FBP2: variants seen among roughly 807,000 people sequenced by gnomAD.
FBP2 encodes the protein fructose-1,6-bisphosphatase isozyme 2.
In FBP2, 27 loss-of-function variants were observed where a neutral mutation model predicts 31.6. The ratio of observed to expected loss-of-function variants is 0.85; its 90% CI spans 0.63 to 1.18. The LOEUF (loss-of-function observed/expected upper bound fraction) is 1.18, where lower values mean the gene tolerates loss of function less well. Ranked by LOEUF, FBP2 falls within the 50% of genes most tolerant of loss-of-function variation. FBP2 has a pLI of 0.00. For missense variants in FBP2, 421 were observed against 436.1 expected (o/e 0.97, Z 0.31); for synonymous variants, 168 against 179.8 (o/e 0.93, Z 0.53).
At chr9:94,568,489 A>AG (rs1204797959) in intron 4 of FBP2, 1 of 152,156 alleles carries the variant, frequency 6.6e-6, no homozygotes, top group Non-Finnish European at 1.5e-5. Flanking sequence ...TAGGAGGAAA[A>AG]CCAGAGCCTG....
At chr9:94,567,125 A>G (rs1827200607) in intron 5 of FBP2, 145 bp downstream of exon 5, 1 of 709,790 alleles carries the variant, frequency 1.4e-6, no homozygotes, top group Non-Finnish European at 2.3e-6. Context: ...CTTATGAAGA[A>G]AGGCAGAGTC....
intron 1 of FBP2, among the ~76,000 whole-genome samples, chr9:94,591,516 G>A (rs1473191507): frequency 3.9e-5 from 6 of 152,172 alleles, no homozygotes; most frequent in African/African-American, 1.4e-4. Context: ...GTTCCCGCTC[G>A]CACCTCTCCC....
chr9:94,579,704 C>G (rs1407987012), intron 3 of FBP2, among the ~76,000 whole-genome samples: 1 of 152,182 alleles, frequency 6.6e-6, no homozygotes, highest in East Asian at 1.9e-4. Flanking sequence ...CTCTTAAAAA[C>G]TTCTCAGAAT....
chr9:94,589,787 C>T (rs1180791555), intron 1 of FBP2, among the ~76,000 whole-genome samples: 2 of 148,552 alleles, frequency 1.3e-5, no homozygotes, highest in Non-Finnish European at 3.0e-5. Flanking sequence ...GGAACCATGA[C>T]GTGAGCAGTC....
In FBP2 at chr9:94,575,277, C is replaced by A. The variant is rs756248875; in HGVS notation, c.427-3675G>T. On this transcript the variant is annotated intron_variant, in intron 3 of 6. Coordinates refer to ENST00000375337, the MANE Select transcript of FBP2 (RefSeq NM_003837.4). Reference sequence around the variant, plus strand: ...GCCTAGTGAAGCCAGGCCTAGTAGTCTCTTCCAGTCACTATCACCTCCTGC... The same window carrying A: ...GCCTAGTGAAGCCAGGCCTAGTAGTATCTTCCAGTCACTATCACCTCCTGC... 6.0e-4 allele frequency among the ~76,000 whole-genome samples: 92 copies of A among 152,294 alleles called. 1 individual carries two copies. The Middle Eastern group carries it at 0.01, about 17-fold the overall frequency.
intron 3 of FBP2, 64 bp from the exon 4 acceptor site, chr9:94,571,666 G>T: frequency 2.1e-6 from 3 of 1,457,554 alleles, no homozygotes; most frequent in Non-Finnish European, 2.8e-6. Context: ...CTTTGCCAGG[G>T]GCCTGGGCTT....
chr9:94,593,486 C>T, intron 1 of FBP2, 71 bp downstream of exon 1: 1 of 1,453,398 alleles, frequency 6.9e-7, no homozygotes, highest in Non-Finnish European at 9.2e-7. Context: ...CTTGCCAAAG[C>T]ACCTGCAGCT....
intron 2 of FBP2, among the ~76,000 whole-genome samples, chr9:94,587,020 T>C (rs1313291418): frequency 6.6e-6 from 1 of 152,148 alleles, no homozygotes; most frequent in Non-Finnish European, 1.5e-5. Flanking sequence ...CCCCAAAAAT[T>C]TGGCTCTTGT....
intron 3 of FBP2, among the ~76,000 whole-genome samples, chr9:94,584,117 G>A (rs1827400017): frequency 6.6e-6 from 1 of 152,186 alleles, no homozygotes; most frequent in Admixed American, 6.5e-5. Flanking sequence ...GACTTTTCAG[G>A]TGTACTCAGG....
chr9:94,564,315 T>C (rs1827154185), intron 5 of FBP2, among the ~76,000 whole-genome samples: 1 of 152,194 alleles, frequency 6.6e-6, no homozygotes, highest in South Asian at 2.1e-4. Flanking sequence ...ACTGGGTATA[T>C]ACCCAAAGGA....
intron 6 of FBP2, among the ~76,000 whole-genome samples, chr9:94,562,918 A>G (rs1192354201): frequency 6.6e-6 from 1 of 152,174 alleles, no homozygotes; most frequent in African/African-American, 2.4e-5. Context: ...AACTCCCTCA[A>G]CGTGTAATTT....
At chr9:94,563,602 A>T in intron 5 of FBP2, 141 bp from the exon 6 acceptor site, 1 of 916,836 alleles carries the variant, frequency 1.1e-6, no homozygotes, top group Non-Finnish European at 1.6e-6. Context: ...AATTGAAAAG[A>T]TTATATAATT....
chr9:94,571,347 CT>C (rs1179331388), intron 4 of FBP2, 114 bp downstream of exon 4: 29 of 1,150,964 alleles, frequency 2.5e-5, no homozygotes, highest in East Asian at 5.5e-5. Flanking sequence ...CTCAGGACCC[CT>C]GGTCCCCAAA....
chr9:94,567,297 T>C lies in FBP2; in HGVS notation c.678A>G (p.Glu226=), dbSNP rs778811613. ...YAKYFDAATT[E]YVQKKKFPED... ...CAGGGAATTTCTTTTTCTGCACATA[T>C]TCAGTGGTGGCCGCATCAAAATACT... The change falls in exon 5 of 7, where the codon GAA becomes GAG. Residue 226 remains glutamate (E), a synonymous_variant. Coordinates refer to ENST00000375337, the MANE Select transcript of FBP2 (RefSeq NM_003837.4). 13 of 1,614,058 alleles carry C rather than the reference T, an allele frequency of 8.1e-6. No homozygotes were observed. The East Asian group carries it at 2.0e-4, about 25-fold the overall frequency.
intron 6 of FBP2, among the ~76,000 whole-genome samples, chr9:94,561,833 T>G (rs1325574368): frequency 6.6e-6 from 1 of 152,120 alleles, no homozygotes; most frequent in Non-Finnish European, 1.5e-5. Flanking sequence ...ACTTTCAGTA[T>G]GGGTGGTGGT....
At chr9:94,577,857 T>A (rs1221912158) in intron 3 of FBP2, 1 of 132,910 alleles carries the variant, frequency 7.5e-6, no homozygotes, top group African/African-American at 4.3e-5. Flanking sequence ...TAGACCTTTG[T>A]TTGTGTATGG....
At chr9:94,562,623 T>A (rs1458879329) in intron 6 of FBP2, among the ~76,000 whole-genome samples, 1 of 152,228 alleles carries the variant, frequency 6.6e-6, no homozygotes, top group Non-Finnish European at 1.5e-5. Flanking sequence ...GTTGTTGGTG[T>A]GTCAGAGAAA....
chr9:94,585,094 G>A (rs1827412751), intron 2 of FBP2, among the ~76,000 whole-genome samples: 1 of 152,126 alleles, frequency 6.6e-6, no homozygotes, highest in East Asian at 1.9e-4. Context: ...CAAGAGAAAT[G>A]AGGGTCATTT....
chr9:94,575,419 T>C (rs1444455347), intron 3 of FBP2, among the ~76,000 whole-genome samples: 1 of 152,232 alleles, frequency 6.6e-6, no homozygotes, highest in Non-Finnish European at 1.5e-5. Flanking sequence ...ATTTTCAAGT[T>C]TATTTCTTTG....
Sources: allele counts gnomAD v4.1 joint callset (sites outside exome capture counted in the v4.1 genomes callset), GRCh38; gene constraint gnomAD v4.1.1; transcripts MANE v1.5; gene names NCBI Gene and HGNC (gene_info 2026-07-23, HGNC 2026-07-21).